Variants in PCDHA11 observed in about 807,000 individuals in gnomAD.
The protein encoded by PCDHA11 is protocadherin alpha-11.
A neutral mutation model predicts 70.3 loss-of-function variants in PCDHA11; 61 were observed. That is an observed-to-expected ratio of 0.87 (90% CI 0.71 to 1.07). The LOEUF is 1.07. PCDHA11 is among the 50% of genes least tolerant of loss of function. The pLI is 0.00. For synonymous variants in PCDHA11, 633 were observed against 555.1 expected (o/e 1.14, Z -1.97); for missense variants, 1,324 against 1,237.5 (o/e 1.07, Z -1.05).
rs529065220 is a variant in PCDHA11, at chr5:140,930,291, C to T, written c.2392-48658C>T. On this transcript the variant is annotated intron_variant, in intron 1 of 3. Transcript: ENST00000398640. ...TATTTTAGGGGACAAATACACTTAA[C>T]AAATAAGTAAATATCATATTTGAGA... The T allele has an allele frequency of 2.6e-5, 4 of 152,208 alleles. No homozygotes were observed. The South Asian group carries it at 8.3e-4, about 32-fold the overall frequency. 9.4% of individuals were successfully genotyped at this position (152,208 alleles called of 1,614,324 possible). A position where few individuals can be genotyped will look rare whatever the true frequency, so the allele number is the denominator to read the frequency against.
chr5:140,939,028 C>T (rs1231920381), intron 1 of PCDHA11, among the ~76,000 whole-genome samples: 6 of 152,098 alleles, frequency 3.9e-5, no homozygotes, highest in East Asian at 1.9e-4. Context: ...TTTACTTATT[C>T]GGAAGAGTTG....
At chr5:140,985,151 A>G (rs1335001570) in intron 3 of PCDHA11, among the ~76,000 whole-genome samples, 3 of 152,092 alleles carry the variant, frequency 2.0e-5, no homozygotes, top group Admixed American at 2.0e-4. Flanking sequence ...GTTAGCCAGG[A>G]TTGTCTCAAT....
At chr5:140,927,076 C>T (rs142317713) in intron 1 of PCDHA11, 7 of 1,611,008 alleles carry the variant, frequency 4.3e-6, no homozygotes, top group Non-Finnish European at 5.1e-6. Context: ...TTCCAGCCAC[C>T]GCGAGCTCTA....
rs782689834 is a variant in PCDHA11 at position 140,870,424 on chromosome 5, T to C, written c.1321T>C (p.Ser441Pro). ...SPSLWATARV[S>P]VEVADVNDNA... ...TTCTCTGTGGGCCACGGCCAGGGTATCCGTGGAGGTGGCCGACGTGAACGA... is the reference window on the plus strand; with the variant it reads ...TTCTCTGTGGGCCACGGCCAGGGTACCCGTGGAGGTGGCCGACGTGAACGA... The change falls in exon 1 of 4, where the codon TCC becomes CCC. Residue 441 changes from serine to proline, a missense_variant. Transcript: ENST00000398640. The C allele has an allele frequency of 3.7e-6, 6 of 1,614,156 alleles. No homozygotes were observed. The highest frequency in any genetic ancestry group is 5.1e-6 in the Non-Finnish European group (6 of 1,180,022).
chr5:140,926,106 G>A (rs952874240), intron 1 of PCDHA11, among the ~76,000 whole-genome samples: 9 of 152,176 alleles, frequency 5.9e-5, no homozygotes, highest in African/African-American at 2.2e-4. Flanking sequence ...GGATACAAGA[G>A]GGTGCAGGAC....
intron 1 of PCDHA11, chr5:140,875,355 T>A: frequency 6.9e-7 from 1 of 1,446,356 alleles, no homozygotes; most frequent in African/African-American, 1.4e-5. Context: ...ATGACTGTGA[T>A]GCTGGAAAAA....
At chr5:140,874,834 T>C (rs756394440) in intron 1 of PCDHA11, among the ~76,000 whole-genome samples, 17 of 152,260 alleles carry the variant, frequency 1.1e-4, no homozygotes, top group Non-Finnish European at 2.5e-4. Context: ...AAATATTGTT[T>C]GGTATTAGAC....
intron 3 of PCDHA11, among the ~76,000 whole-genome samples, chr5:140,991,495 A>C (rs1331520722): frequency 6.6e-6 from 1 of 152,220 alleles, no homozygotes; most frequent in Non-Finnish European, 1.5e-5. Flanking sequence ...GTCCACAGTG[A>C]GTTTCACTGG....
rs375652776 is a variant in PCDHA11, at chr5:140,968,862, G to A, written c.2392-10087G>A. The A allele has an allele frequency of 1.9e-5, 31 of 1,614,126 alleles. No individual in the cohort carries two copies. The highest frequency in any genetic ancestry group is 1.5e-4 in the South Asian group (14 of 91,062). The stretch of plus-strand genomic sequence containing the variant: ...ACTCAGAGGCATGTTAAGAGCCCTC[G>A]GACATACTCTGAAATTACCCTTTAT... On this transcript the variant is annotated intron_variant, in intron 1 of 3. Transcript: ENST00000398640.
chr5:140,936,798 T>C (rs2091152803), intron 1 of PCDHA11, among the ~76,000 whole-genome samples: 1 of 152,240 alleles, frequency 6.6e-6, no homozygotes, highest in Admixed American at 6.5e-5. Context: ...TGCTTCAAGA[T>C]TAACTTAGCT....
chr5:140,990,895 G>A (rs550774822), intron 3 of PCDHA11, among the ~76,000 whole-genome samples: 15 of 152,284 alleles, frequency 9.9e-5, no homozygotes, highest in Non-Finnish European at 1.9e-4. Flanking sequence ...GTGGGTCGTT[G>A]CTGGGTCAAG....
chr5:140,879,100 T>C (rs2057854721), intron 1 of PCDHA11, among the ~76,000 whole-genome samples: 1 of 152,190 alleles, frequency 6.6e-6, no homozygotes, highest in African/African-American at 2.4e-5. Context: ...CTGCACAGTA[T>C]ATGGTGTAAT....
intron 1 of PCDHA11, among the ~76,000 whole-genome samples, chr5:140,955,510 T>G (rs1554221967): frequency 6.6e-6 from 1 of 152,154 alleles, no homozygotes; most frequent in Non-Finnish European, 1.5e-5. Context: ...AAAGACGTGT[T>G]TGCTTTCCCT....
chr5:140,968,209 C>G (rs781795931), intron 1 of PCDHA11: 5 of 1,614,002 alleles, frequency 3.1e-6, no homozygotes, highest in Non-Finnish European at 4.2e-6. Context: ...TACAGGAGAA[C>G]AATTTGCCAG....
At chr5:140,914,339 C>T (rs1554196289) in intron 1 of PCDHA11, among the ~76,000 whole-genome samples, 1 of 152,130 alleles carries the variant, frequency 6.6e-6, no homozygotes, top group East Asian at 1.9e-4. Flanking sequence ...CCTTCTTTGT[C>T]TCTTTTTGGA....
chr5:140,966,176 T>G (rs2095977016), intron 1 of PCDHA11: 1 of 188,102 alleles, frequency 5.3e-6, no homozygotes, highest in African/African-American at 2.3e-5. Context: ...CCTGGGGAGC[T>G]GATAGCCAGA....
intron 1 of PCDHA11, chr5:140,882,402 T>A (rs782437506): frequency 3.7e-6 from 6 of 1,614,052 alleles, no homozygotes; most frequent in South Asian, 1.1e-5. Flanking sequence ...GGCACCTTCG[T>A]GGGCCGCATC....
chr5:140,903,146 C>A (rs2070035349), intron 1 of PCDHA11, among the ~76,000 whole-genome samples: 1 of 152,178 alleles, frequency 6.6e-6, no homozygotes, highest in South Asian at 2.1e-4. Flanking sequence ...AAACTGTTTT[C>A]CATAGTGGTT....
chr5:140,883,507 G>T (rs782325165), intron 1 of PCDHA11: 1 of 1,614,200 alleles, frequency 6.2e-7, no homozygotes, highest in South Asian at 1.1e-5. Flanking sequence ...ACAGCGCCCT[G>T]GACCGCGAGA....
Sources: allele counts gnomAD v4.1 joint callset (sites outside exome capture counted in the v4.1 genomes callset), GRCh38; gene constraint gnomAD v4.1.1; transcripts MANE v1.5; gene names NCBI Gene and HGNC (gene_info 2026-07-23, HGNC 2026-07-21).